The following DAAM1 variants were observed in gnomAD, a reference collection of about 807,000 sequenced individuals.
DAAM1 encodes disheveled-associated activator of morphogenesis 1.
Under a neutral mutation model 130.0 loss-of-function variants are expected in DAAM1, and 52 were observed. The observed-to-expected ratio is 0.40, with a 90% CI of 0.32 to 0.50. The LOEUF is 0.50. DAAM1 is among the 20% of genes least tolerant of loss of function. The pLI is 0.61. For missense variants in DAAM1, 1,134 were observed against 1,303.8 expected, an observed-to-expected ratio of 0.87 and a Z score of 2.01; for synonymous variants, 452 against 444.5, an observed-to-expected ratio of 1.02 and a Z score of -0.21.
chr14:59,205,853 AAG>A (rs1191232059), intron 1 of DAAM1, among the ~76,000 whole-genome samples: 48 of 152,276 alleles, frequency 3.2e-4, no homozygotes, highest in African/African-American at 1.1e-3. Flanking sequence ...AGTAGGTTAG[AAG>A]AGAGGATGGC....
At chr14:59,307,019 G>A (rs975200241) in intron 3 of DAAM1, among the ~76,000 whole-genome samples, 1 of 152,180 alleles carries the variant, frequency 6.6e-6, no homozygotes, top group Non-Finnish European at 1.5e-5. Flanking sequence ...ATGCAGTGTG[G>A]CCTCTGCATT....
chr14:59,353,758 C>T (rs892691927), intron 18 of DAAM1, 118 bp from the exon 19 acceptor site: 9 of 832,358 alleles, frequency 1.1e-5, no homozygotes, highest in African/African-American at 3.4e-5. Flanking sequence ...GTATGTGTGT[C>T]GGGGGAGTGG....
chr14:59,255,632 G>T (rs1236210393), intron 1 of DAAM1, among the ~76,000 whole-genome samples: 1 of 152,080 alleles, frequency 6.6e-6, no homozygotes, highest in African/African-American at 2.4e-5. Context: ...TGAAAACATG[G>T]GTGTGGCAAC....
chr14:59,262,350 C>G (rs185639753), intron 1 of DAAM1, among the ~76,000 whole-genome samples: 57 of 152,220 alleles, frequency 3.7e-4, no homozygotes, highest in African/African-American at 1.1e-3. Flanking sequence ...TTTCAATAGA[C>G]AGTATCAACT....
intron 1 of DAAM1, among the ~76,000 whole-genome samples, chr14:59,244,160 C>A (rs1012259449): frequency 6.6e-6 from 1 of 152,064 alleles, no homozygotes; most frequent in Non-Finnish European, 1.5e-5. Context: ...TCTTGCCCGC[C>A]ACCATGTAAG....
chr14:59,263,604 C>T lies in DAAM1; in HGVS notation c.127C>T (p.Pro43Ser), dbSNP rs1304895856. ...CAACTTTGCGCTTCAGACCATGGAA[C>T]CAGCATTGCCCATGCCCCCTGTGGA... ...DSNFALQTMEPALPMPPVEEL... is the reference protein window; with the variant it reads ...DSNFALQTMESALPMPPVEEL... Residue 43 changes from proline to serine, a missense_variant, in exon 2 of 25, where the codon CCA becomes TCA. Physicochemically the swap from Pro to Ser is moderately conservative, Grantham distance 74. Coordinates refer to ENST00000360909, the MANE Select transcript of DAAM1 (RefSeq NM_001270520.2). 6.2e-7 allele frequency: 1 copy of T among 1,614,080 alleles called. No homozygotes were observed. The highest frequency in any genetic ancestry group is 8.5e-7 in the Non-Finnish European group (1 of 1,180,046).
At chr14:59,243,797 G>A (rs183634454) in intron 1 of DAAM1, among the ~76,000 whole-genome samples, 2 of 152,262 alleles carry the variant, frequency 1.3e-5, no homozygotes, top group African/African-American at 2.4e-5. Flanking sequence ...TTTGTAGTGG[G>A]AGAACAATTC....
At chr14:59,327,981 T>C (rs958588540) in intron 12 of DAAM1, among the ~76,000 whole-genome samples, 2 of 152,358 alleles carry the variant, frequency 1.3e-5, no homozygotes, top group African/African-American at 4.8e-5. Flanking sequence ...GAAGTTGGCC[T>C]CTTTGTGGAA....
intron 3 of DAAM1, among the ~76,000 whole-genome samples, chr14:59,310,321 T>C (rs538198133): frequency 6.6e-6 from 1 of 151,962 alleles, no homozygotes; most frequent in East Asian, 1.9e-4. Context: ...TTAGTAGAGA[T>C]GGGGTTTCAC....
chr14:59,337,931 ATTTATTT>A (rs944222906), intron 15 of DAAM1, among the ~76,000 whole-genome samples: 2 of 152,120 alleles, frequency 1.3e-5, no homozygotes, highest in Non-Finnish European at 2.9e-5. Context: ...AAAAAAGTTT[ATTTATTT>A]ATGTATTTTT....
chr14:59,219,733 A>G (rs145005256), intron 1 of DAAM1, among the ~76,000 whole-genome samples: 9 of 152,314 alleles, frequency 5.9e-5, no homozygotes, highest in Non-Finnish European at 1.3e-4. Flanking sequence ...GCAATACTTG[A>G]TTTGAACATG....
rs530835018 is a variant in DAAM1, at chr14:59,326,224, C to T, written c.1174+147C>T. The T allele has an allele frequency of 5.2e-6, 4 of 771,474 alleles. No individual in the cohort carries two copies. The East Asian group carries it at 1.1e-4, about 21-fold the overall frequency. 47.8% of individuals were successfully genotyped at this position (771,474 alleles called of 1,614,324 possible). ...TATGACAGCCAAGTATGTGTGTCTA[C>T]ATGGCTTAAAGGGTGTTACAAAATT... is the stretch of plus-strand genomic sequence containing the variant. On this transcript the variant is annotated intron_variant, in intron 10 of 24. Transcript: ENST00000360909.
At chr14:59,302,697 A>G (rs1389398026) in intron 3 of DAAM1, among the ~76,000 whole-genome samples, 1 of 152,094 alleles carries the variant, frequency 6.6e-6, no homozygotes, top group Non-Finnish European at 1.5e-5. Flanking sequence ...TCTGTCACCC[A>G]CACTGGAGTG....
intron 1 of DAAM1, among the ~76,000 whole-genome samples, chr14:59,244,853 C>T (rs889515887): frequency 2.6e-5 from 4 of 152,098 alleles, no homozygotes; most frequent in African/African-American, 9.7e-5. Context: ...GTGACACTAC[C>T]CAGTGAGGTG....
At chr14:59,265,296 A>G (rs768618835) in intron 2 of DAAM1, 3 of 152,246 alleles carry the variant, frequency 2.0e-5, no homozygotes, top group African/African-American at 4.8e-5. Context: ...GAAAAAGGAA[A>G]GATGACTCCT....
intron 1 of DAAM1, among the ~76,000 whole-genome samples, chr14:59,255,095 T>C (rs1454629037): frequency 6.6e-6 from 1 of 152,206 alleles, no homozygotes; most frequent in Non-Finnish European, 1.5e-5. Flanking sequence ...TTTTTGAACA[T>C]TTGCATATTG....
At chr14:59,360,364 A>T (rs1249478774) in intron 21 of DAAM1, among the ~76,000 whole-genome samples, 2 of 152,224 alleles carry the variant, frequency 1.3e-5, no homozygotes, top group African/African-American at 4.8e-5. Flanking sequence ...TAGTCATATT[A>T]TTGGGGCCTT....
intron 1 of DAAM1, among the ~76,000 whole-genome samples, chr14:59,196,309 G>A (rs1887888208): frequency 6.6e-6 from 1 of 152,180 alleles, no homozygotes; most frequent in South Asian, 2.1e-4. Flanking sequence ...ATGTGCCTAA[G>A]CTTAAATTTG....
chr14:59,241,045 G>A (rs905909315), intron 1 of DAAM1, among the ~76,000 whole-genome samples: 10 of 152,212 alleles, frequency 6.6e-5, no homozygotes. Flanking sequence ...ATGCATATGT[G>A]CTTCAAAGAT....
Sources: allele counts gnomAD v4.1 joint callset (sites outside exome capture counted in the v4.1 genomes callset), GRCh38; gene constraint gnomAD v4.1.1; transcripts MANE v1.5; gene names NCBI Gene and HGNC (gene_info 2026-07-23, HGNC 2026-07-21).